FHIT: variants seen among roughly 807,000 people sequenced by gnomAD.
FHIT encodes the protein bis(5'-adenosyl)-triphosphatase.
FHIT carries 19 observed loss-of-function variants against 17.9 expected under a neutral mutation model. The ratio of observed to expected loss-of-function variants is 1.06; its 90% CI spans 0.74 to 1.56. FHIT has a LOEUF of 1.56. Among genes scored for constraint, FHIT ranks in the 40% most tolerant of loss-of-function variants. The pLI, the probability that FHIT is intolerant of heterozygous loss-of-function variation, is 0.00. For missense variants in FHIT, 248 were observed against 189.2 expected, an observed-to-expected ratio of 1.31 and a Z score of -1.82; for synonymous variants, 81 against 69.7, an observed-to-expected ratio of 1.16 and a Z score of -0.81.
At chr3:61,229,138 GA>G (rs140557034) in intron 1 of FHIT, among the ~76,000 whole-genome samples, 1 of 151,662 alleles carries the variant, frequency 6.6e-6, no homozygotes, top group Admixed American at 6.6e-5. Context: ...TACTTTATTA[GA>G]AAAAAAAGTC....
intron 5 of FHIT, among the ~76,000 whole-genome samples, chr3:60,057,824 A>G (rs1702142001): frequency 6.6e-6 from 1 of 152,022 alleles, no homozygotes; most frequent in South Asian, 2.1e-4. Flanking sequence ...ATACATTATT[A>G]CATTTCTTCC....
chr3:61,112,569 CATT>C (rs1189692142), intron 2 of FHIT, among the ~76,000 whole-genome samples: 2 of 152,132 alleles, frequency 1.3e-5, no homozygotes, highest in African/African-American at 4.8e-5. Flanking sequence ...CCACTTGAGT[CATT>C]ATGATCATCA....
chr3:60,490,545 C>A (rs902352699), intron 5 of FHIT, among the ~76,000 whole-genome samples: 1 of 141,014 alleles, frequency 7.1e-6, no homozygotes, highest in Non-Finnish European at 1.5e-5. Flanking sequence ...CCAGGTGTCT[C>A]TTTTAAACCT....
intron 5 of FHIT, among the ~76,000 whole-genome samples, chr3:60,157,040 T>C (rs1284305938): frequency 1.3e-5 from 2 of 152,118 alleles, no homozygotes; most frequent in African/African-American, 2.4e-5. Flanking sequence ...AATATGGATT[T>C]ATACATTTTT....
At chr3:60,337,782 C>T (rs1013385831) in intron 5 of FHIT, among the ~76,000 whole-genome samples, 2 of 152,072 alleles carry the variant, frequency 1.3e-5, no homozygotes, top group African/African-American at 4.8e-5. Context: ...CTGGGGTTTC[C>T]ATAAAGCCCA....
intron 8 of FHIT, among the ~76,000 whole-genome samples, chr3:59,836,728 C>T (rs1212968213): frequency 6.6e-6 from 1 of 152,118 alleles, no homozygotes; most frequent in African/African-American, 2.4e-5. Context: ...GGTGCAGCCA[C>T]TTCCTACTAG....
chr3:60,348,970 AT>A (rs1710937956), intron 5 of FHIT, among the ~76,000 whole-genome samples: 1 of 152,158 alleles, frequency 6.6e-6, no homozygotes, highest in African/African-American at 2.4e-5. Context: ...ACCTCAGCAC[AT>A]TTGCCTAGGT....
chr3:59,809,968 GTTACTAGGGGATACGTCAGTTTTGAGA>G (rs2107036501), intron 8 of FHIT, among the ~76,000 whole-genome samples: 1 of 152,276 alleles, frequency 6.6e-6, no homozygotes, highest in African/African-American at 2.4e-5. Context: ...CCCTCTGGTG[GTTACTAGGGGATACGTCAGTTTTGAGA>G]GATTGGAACC....
At chr3:60,833,750 C>T (rs73836182) in intron 3 of FHIT, among the ~76,000 whole-genome samples, 2,377 of 152,206 alleles carry the variant, frequency 0.016, 61 homozygotes, top group African/African-American at 0.054. Flanking sequence ...TGTGTCCATC[C>T]CAGGGATCCT....
chr3:60,368,957 T>A (rs914326175), intron 5 of FHIT, among the ~76,000 whole-genome samples: 2 of 151,670 alleles, frequency 1.3e-5, no homozygotes, highest in African/African-American at 4.9e-5. Context: ...TATATTTCAA[T>A]CATGGCACTT....
intron 5 of FHIT, among the ~76,000 whole-genome samples, chr3:60,250,918 T>C (rs1000522045): frequency 6.6e-6 from 1 of 152,142 alleles, no homozygotes; most frequent in Non-Finnish European, 1.5e-5. Flanking sequence ...CAAACACAGA[T>C]AATCCCAAAA....
chr3:60,486,502 T>G (rs2033846830), intron 5 of FHIT, among the ~76,000 whole-genome samples: 1 of 152,120 alleles, frequency 6.6e-6, no homozygotes, highest in African/African-American at 2.4e-5. Context: ...TCAGCAAATT[T>G]AGGATACCTC....
intron 4 of FHIT, chr3:60,730,354 A>G (rs2042002857): frequency 3.9e-6 from 1 of 255,916 alleles, no homozygotes; most frequent in Non-Finnish European, 8.6e-6. Flanking sequence ...CTTTGGAGTC[A>G]TGGTGGACAC....
chr3:60,265,605 T>C (rs1706534653), intron 5 of FHIT, among the ~76,000 whole-genome samples: 1 of 151,986 alleles, frequency 6.6e-6, no homozygotes. Flanking sequence ...AAAGTTTGTA[T>C]TTTGAAGGAC....
At chr3:61,178,644 C>A (rs2038230487) in intron 2 of FHIT, among the ~76,000 whole-genome samples, 1 of 151,870 alleles carries the variant, frequency 6.6e-6, no homozygotes, top group Middle Eastern at 3.4e-3. Context: ...ATACTCTAGC[C>A]TCCATTTAAT....
intron 2 of FHIT, among the ~76,000 whole-genome samples, chr3:61,138,377 C>A (rs2106986752): frequency 6.6e-6 from 1 of 152,318 alleles, no homozygotes; most frequent in South Asian, 2.1e-4. Context: ...GCTGAGCAGA[C>A]ACCAGAAACA....
At chr3:60,405,176 T>G (rs1701805820) in intron 5 of FHIT, among the ~76,000 whole-genome samples, 1 of 152,198 alleles carries the variant, frequency 6.6e-6, no homozygotes, top group Non-Finnish European at 1.5e-5. Flanking sequence ...ATCCTCGGAC[T>G]GGACTGAGAA....
At chr3:60,600,920 G>C (rs1286593079) in intron 4 of FHIT, among the ~76,000 whole-genome samples, 1 of 152,120 alleles carries the variant, frequency 6.6e-6, no homozygotes, top group African/African-American at 2.4e-5. Context: ...CCTGCACCAA[G>C]CATGCTTTTT....
intron 2 of FHIT, among the ~76,000 whole-genome samples, chr3:61,120,686 T>A (rs1032447160): frequency 6.6e-6 from 1 of 151,914 alleles, no homozygotes; most frequent in African/African-American, 2.4e-5. Context: ...ATGTCTCTTC[T>A]CCTCCAAAGG....
Sources: allele counts gnomAD v4.1 joint callset (sites outside exome capture counted in the v4.1 genomes callset), GRCh38; gene constraint gnomAD v4.1.1; transcripts MANE v1.5; gene names NCBI Gene and HGNC (gene_info 2026-07-23, HGNC 2026-07-21).